Variants in GPC5 observed in about 807,000 individuals in gnomAD.
The protein encoded by GPC5 is glypican-5.
Under a neutral mutation model 53.9 loss-of-function variants are expected in GPC5, and 47 were observed. That is an observed-to-expected ratio of 0.87 (90% CI 0.69 to 1.11). The LOEUF (loss-of-function observed/expected upper bound fraction) is 1.11, where lower values mean the gene tolerates loss of function less well. Ranked by LOEUF, GPC5 falls within the 50% of genes most tolerant of loss-of-function variation. The pLI is 0.00. For synonymous variants in GPC5, 286 were observed against 263.3 expected (o/e 1.09, Z -0.84); for missense variants, 748 against 713.1 (o/e 1.05, Z -0.56).
At chr13:92,096,044 C>T (rs1349800972) in intron 6 of GPC5, among the ~76,000 whole-genome samples, 1 of 152,226 alleles carries the variant, frequency 6.6e-6, no homozygotes, top group Non-Finnish European at 1.5e-5. Flanking sequence ...CCAGATTTTT[C>T]TTCTACTCTG....
chr13:92,070,567 T>G (rs1887115), intron 6 of GPC5, among the ~76,000 whole-genome samples: 84,208 of 151,996 alleles, frequency 0.55, 23,648 homozygotes, highest in East Asian at 0.79. Flanking sequence ...TCCCCTTTTA[T>G]AGGAAATTTT....
In GPC5 at chr13:91,924,580, A is replaced by G. The variant is rs547425084; in HGVS notation, c.1401+16523A>G. ...TCTCTACAAAAATAAAAATAAAAAA[A>G]AAAGTAAAGCATTAGCTGGGCGTGG... On this transcript the variant is annotated intron_variant, in intron 6 of 7. Transcript: ENST00000377067. 1.5e-3 allele frequency among the ~76,000 whole-genome samples: 225 copies of G among 152,078 alleles called. 1 individual carries two copies. Among genetic ancestry groups the G allele is most frequent in the Non-Finnish European group, 2.4e-3 (165 of 67,970 alleles).
intron 7 of GPC5, among the ~76,000 whole-genome samples, chr13:92,393,059 A>G (rs1179222264): frequency 1.3e-5 from 2 of 152,210 alleles, no homozygotes; most frequent in African/African-American, 4.8e-5. Context: ...GCAGATTCCC[A>G]GAGGAATATA....
chr13:91,599,402 A>G (rs943646408), intron 2 of GPC5, among the ~76,000 whole-genome samples: 2 of 152,144 alleles, frequency 1.3e-5, no homozygotes, highest in Non-Finnish European at 2.9e-5. Flanking sequence ...ATCAAGCCTG[A>G]TGACTGATTA....
intron 6 of GPC5, among the ~76,000 whole-genome samples, chr13:92,050,168 C>T (rs1467799833): frequency 6.6e-6 from 1 of 152,158 alleles, no homozygotes; most frequent in Non-Finnish European, 1.5e-5. Flanking sequence ...GATTTCTTAG[C>T]ACATGGTACA....
rs183575814 is a variant in GPC5 at position 92,311,694 on chromosome 13, C to T, written c.1561+166705C>T. ...CATCAGATCTCATGAGACTTATTCA[C>T]TATCACAAGAACAGCATGGGAAAAA... On this transcript the variant is annotated intron_variant, in intron 7 of 7. Coordinates refer to ENST00000377067, the MANE Select transcript of GPC5 (RefSeq NM_004466.6). 2.0e-5 allele frequency among the ~76,000 whole-genome samples: 3 copies of T among 152,232 alleles called. No homozygotes were observed. The East Asian group carries it at 5.8e-4, about 30-fold the overall frequency.
intron 7 of GPC5, among the ~76,000 whole-genome samples, chr13:92,733,824 T>C (rs1174216878): frequency 6.6e-6 from 1 of 151,798 alleles, no homozygotes; most frequent in African/African-American, 2.4e-5. Context: ...TCATATGACA[T>C]TCAGTTAAGC....
chr13:92,815,071 TC>T (rs1157033989), intron 7 of GPC5, among the ~76,000 whole-genome samples: 1 of 152,012 alleles, frequency 6.6e-6, no homozygotes, highest in Non-Finnish European at 1.5e-5. Context: ...GATTCTAGGT[TC>T]TGGGGATGCA....
chr13:92,286,726 G>C (rs534940425), intron 7 of GPC5, among the ~76,000 whole-genome samples: 7 of 148,194 alleles, frequency 4.7e-5, no homozygotes, highest in African/African-American at 1.8e-4. Context: ...CACACACTGG[G>C]GCCTGTTGTG....
At chr13:91,641,972 G>A (rs902889251) in intron 2 of GPC5, among the ~76,000 whole-genome samples, 2 of 152,194 alleles carry the variant, frequency 1.3e-5, no homozygotes, top group African/African-American at 4.8e-5. Context: ...GAAACAACAT[G>A]ATTTCTAAAT....
At chr13:92,402,144 A>G (rs1875586898) in intron 7 of GPC5, among the ~76,000 whole-genome samples, 1 of 152,288 alleles carries the variant, frequency 6.6e-6, no homozygotes, top group East Asian at 1.9e-4. Context: ...GTTTGACTAG[A>G]TATGACTCTA....
intron 1 of GPC5, among the ~76,000 whole-genome samples, chr13:91,432,688 A>C (rs1255018489): frequency 6.6e-6 from 1 of 152,196 alleles, no homozygotes; most frequent in Non-Finnish European, 1.5e-5. Flanking sequence ...TTAATGAATA[A>C]TATCAATATA....
intron 6 of GPC5, among the ~76,000 whole-genome samples, chr13:91,954,012 T>A (rs569481292): frequency 2.0e-5 from 3 of 152,264 alleles, no homozygotes; most frequent in East Asian, 3.9e-4. Flanking sequence ...CATCAAGAAA[T>A]TTTTAGGAAA....
chr13:91,741,597 CAGTT>C (rs1042205433), intron 4 of GPC5, among the ~76,000 whole-genome samples: 6 of 152,034 alleles, frequency 3.9e-5, no homozygotes, highest in African/African-American at 1.4e-4. Flanking sequence ...TAAATGGCAT[CAGTT>C]AGTTTAAAAT....
At chr13:92,860,064 C>T (rs947081090) in intron 7 of GPC5, among the ~76,000 whole-genome samples, 1 of 152,006 alleles carries the variant, frequency 6.6e-6, no homozygotes, top group African/African-American at 2.4e-5. Context: ...GCTATAATTT[C>T]AAAATAAATT....
intron 6 of GPC5, among the ~76,000 whole-genome samples, chr13:92,142,785 A>AGG (rs2041840891): frequency 7.9e-5 from 12 of 152,190 alleles, no homozygotes; most frequent in Admixed American, 7.9e-4. Context: ...AATAATTCTT[A>AGG]GGGAAGTAAA....
At chr13:91,793,072 C>T (rs780479911) in intron 5 of GPC5, among the ~76,000 whole-genome samples, 1 of 152,134 alleles carries the variant, frequency 6.6e-6, no homozygotes, top group Non-Finnish European at 1.5e-5. Flanking sequence ...CATTCTGCTG[C>T]TGAAGACATA....
intron 7 of GPC5, among the ~76,000 whole-genome samples, chr13:92,564,571 G>C (rs1185407922): frequency 6.6e-6 from 1 of 151,208 alleles, no homozygotes; most frequent in Non-Finnish European, 1.5e-5. Flanking sequence ...GGTTTTTTAC[G>C]TGGGTATATT....
chr13:92,610,196 A>C (rs1325065515), intron 7 of GPC5, among the ~76,000 whole-genome samples: 3 of 152,148 alleles, frequency 2.0e-5, no homozygotes, highest in Non-Finnish European at 4.4e-5. Context: ...TGGGTTCATC[A>C]TTATTATGGA....
Sources: gnomAD v4.1 joint callset for allele counts (sites outside exome capture counted in the v4.1 genomes callset) on GRCh38, gnomAD v4.1.1 for gene constraint, MANE v1.5 for transcripts, NCBI Gene and HGNC (gene_info 2026-07-23, HGNC 2026-07-21) for gene names.